PHF21B: variants seen among roughly 807,000 people sequenced by gnomAD.
PHF21B encodes the protein PHD finger protein 21B, also known as PHD finger protein 4.
PHF21B carries 22 observed loss-of-function variants against 62.2 expected under a neutral mutation model. The ratio of observed to expected loss-of-function variants is 0.35; its 90% CI spans 0.25 to 0.51. The LOEUF is 0.51. PHF21B is among the 20% of genes least tolerant of loss of function. The pLI is 0.97. For missense variants in PHF21B, 701 were observed against 707.9 expected, an observed-to-expected ratio of 0.99 and a Z score of 0.11; for synonymous variants, 341 against 314.7, an observed-to-expected ratio of 1.08 and a Z score of -0.88.
At chr22:44,888,718 C>T (rs1376781360) in intron 9 of PHF21B, among the ~76,000 whole-genome samples, 2 of 152,236 alleles carry the variant, frequency 1.3e-5, no homozygotes, top group Non-Finnish European at 2.9e-5. Context: ...GCCACAAGGA[C>T]ACTGGATGTC....
At chr22:44,945,632 G>A (rs764343805) in intron 2 of PHF21B, among the ~76,000 whole-genome samples, 9 of 151,970 alleles carry the variant, frequency 5.9e-5, no homozygotes, top group African/African-American at 7.3e-5. Flanking sequence ...GGGCCTGATC[G>A]TGGGGACAGG....
intron 2 of PHF21B, among the ~76,000 whole-genome samples, chr22:44,943,262 C>T (rs1166167098): frequency 6.6e-6 from 1 of 152,174 alleles, no homozygotes; most frequent in African/African-American, 2.4e-5. Context: ...CTGTGCCTGT[C>T]CCCCAGTAGC....
intron 2 of PHF21B, among the ~76,000 whole-genome samples, chr22:44,956,271 T>C (rs1238914661): frequency 6.6e-6 from 1 of 152,146 alleles, no homozygotes; most frequent in Non-Finnish European, 1.5e-5. Context: ...AGGAAGGCTA[T>C]TTGGAGAGCC....
chr22:44,921,427 C>T (rs1005010547), intron 2 of PHF21B, among the ~76,000 whole-genome samples: 2 of 151,396 alleles, frequency 1.3e-5, no homozygotes, highest in Non-Finnish European at 2.9e-5. Flanking sequence ...AGTGCAGTGG[C>T]GCGATCTCGG....
At chr22:44,917,774 G>A (rs75283360) in intron 3 of PHF21B, among the ~76,000 whole-genome samples, 7,156 of 152,310 alleles carry the variant, frequency 0.047, 259 homozygotes, top group African/African-American at 0.09. Context: ...CATGTGGAAG[G>A]AGTGGTCCAG....
At chr22:44,981,347 C>T (rs1466192571) in intron 2 of PHF21B, among the ~76,000 whole-genome samples, 1 of 152,188 alleles carries the variant, frequency 6.6e-6, no homozygotes, top group African/African-American at 2.4e-5. Context: ...GTAGCTCCTT[C>T]TCGTGACCCC....
intron 2 of PHF21B, among the ~76,000 whole-genome samples, chr22:44,921,016 G>A (rs1435896599): frequency 6.6e-6 from 1 of 152,218 alleles, no homozygotes; most frequent in Non-Finnish European, 1.5e-5. Context: ...CATTTCTGTA[G>A]GAGAGTCTGA....
At chr22:44,950,688 G>T (rs1399307566) in intron 2 of PHF21B, among the ~76,000 whole-genome samples, 1 of 152,190 alleles carries the variant, frequency 6.6e-6, no homozygotes, top group African/African-American at 2.4e-5. Context: ...ATAGCCAGTG[G>T]TCACATATTA....
chr22:44,995,384 G>C (rs75235794), intron 2 of PHF21B, among the ~76,000 whole-genome samples: 1 of 152,126 alleles, frequency 6.6e-6, no homozygotes, highest in Non-Finnish European at 1.5e-5. Flanking sequence ...TAACTCCAAC[G>C]AGGCAGTGGC....
chr22:44,920,329 AG>A, intron 3 of PHF21B, 68 bp downstream of exon 3: 1 of 1,332,308 alleles, frequency 7.5e-7, no homozygotes, highest in Non-Finnish European at 1.0e-6. Context: ...CTCAGTGCTG[AG>A]GGGTTAGGAA....
intron 12 of PHF21B, 39 bp downstream of exon 12, chr22:44,885,387 C>T: frequency 6.5e-7 from 1 of 1,529,422 alleles, no homozygotes. Context: ...GGCACACCTG[C>T]AGGGCTGAGG....
chr22:44,965,604 G>A lies in PHF21B; in HGVS notation c.120+42941C>T, dbSNP rs78533413. On this transcript the variant is annotated intron_variant, in intron 2 of 12. Transcript: ENST00000313237. Reference sequence around the variant, plus strand: ...TCCCTGCCTCCTTTCCCAGCACCCCGAGCTGAGACGATTCCCCCGGCCCCC... The same window carrying A: ...TCCCTGCCTCCTTTCCCAGCACCCCAAGCTGAGACGATTCCCCCGGCCCCC... Among the ~76,000 whole-genome samples, 998 of 152,148 alleles carry A rather than the reference G, an allele frequency of 6.6e-3. 12 individuals are homozygous for A. The highest frequency in any genetic ancestry group is 0.021 in the African/African-American group (868 of 41,524).
chr22:44,953,708 A>G (rs1346528145), intron 2 of PHF21B, among the ~76,000 whole-genome samples: 1 of 152,224 alleles, frequency 6.6e-6, no homozygotes. Context: ...TGAAGAATGC[A>G]TTGGACTTTG....
chr22:44,994,471 G>C (rs57982133), intron 2 of PHF21B, among the ~76,000 whole-genome samples: 4,722 of 152,328 alleles, frequency 0.031, 264 homozygotes, highest in African/African-American at 0.11. Flanking sequence ...CTCCCCTCGA[G>C]CCTCCGGAGG....
intron 2 of PHF21B, among the ~76,000 whole-genome samples, chr22:44,929,142 T>C (rs1358627777): frequency 6.6e-6 from 1 of 152,244 alleles, no homozygotes; most frequent in East Asian, 1.9e-4. Flanking sequence ...GTGGCAAAGA[T>C]AACAAGTCAG....
At chr22:44,889,370 C>T (rs1235652234) in intron 9 of PHF21B, among the ~76,000 whole-genome samples, 2 of 152,166 alleles carry the variant, frequency 1.3e-5, no homozygotes, top group Non-Finnish European at 1.5e-5. Context: ...AGCCCCTTTT[C>T]GGACGGGTAA....
chr22:44,984,287 T>C (rs112587956), intron 2 of PHF21B, among the ~76,000 whole-genome samples: 51 of 143,590 alleles, frequency 3.6e-4, no homozygotes, highest in South Asian at 6.9e-4. Flanking sequence ...ACCACCACCA[T>C]CATCATCATC....
In PHF21B at chr22:44,962,777, G is replaced by A. The variant is rs191541129; in HGVS notation, c.121-42287C>T. Among the ~76,000 whole-genome samples, 76 of 152,224 alleles carry A rather than the reference G, an allele frequency of 5.0e-4. 1 individual carries two copies. In the Middle Eastern group the frequency reaches 0.014, roughly 27 times the overall value. ...GAAGAGCTGCCTGCAGGTGCCTCACGGAACGGTGGGGGATGGAGGCTGGGG... is the reference window on the plus strand; with the variant it reads ...GAAGAGCTGCCTGCAGGTGCCTCACAGAACGGTGGGGGATGGAGGCTGGGG... On this transcript the variant is annotated intron_variant, in intron 2 of 12. Transcript: ENST00000313237.
In PHF21B at chr22:44,936,284, G is replaced by A. The variant is rs188992741; in HGVS notation, c.121-15794C>T. Among the ~76,000 whole-genome samples the A allele has an allele frequency of 3.3e-5, 5 of 152,330 alleles. No homozygotes were observed. The South Asian group carries it at 6.2e-4, about 19-fold the overall frequency. On this transcript the variant is annotated intron_variant, in intron 2 of 12. Coordinates refer to ENST00000313237, the MANE Select transcript of PHF21B (RefSeq NM_138415.5). ...GCCATGTCCAGTGGAGACGGCACAG[G>A]GGAAGCTGCAGGTCCCGCCTGGTTC... is the stretch of plus-strand genomic sequence containing the variant.
Sources: allele counts gnomAD v4.1 joint callset (sites outside exome capture counted in the v4.1 genomes callset), GRCh38; gene constraint gnomAD v4.1.1; transcripts MANE v1.5; gene names NCBI Gene and HGNC (gene_info 2026-07-23, HGNC 2026-07-21).